The following PAX7 variants were observed in gnomAD, a reference collection of about 807,000 sequenced individuals.
PAX7 encodes the protein paired box 7, also known as paired box protein Pax-7.
In PAX7, 18 loss-of-function variants were observed where a neutral mutation model predicts 50.7. The observed-to-expected ratio is 0.36, with a 90% CI of 0.25 to 0.53. The LOEUF (loss-of-function observed/expected upper bound fraction) is 0.53, where lower values mean the gene tolerates loss of function less well. Ranked by LOEUF, PAX7 falls within the 20% of genes least tolerant of loss-of-function variation. The pLI is 0.93. For synonymous variants in PAX7, 310 were observed against 290.4 expected (o/e 1.07, Z -0.69); for missense variants, 644 against 702.9 (o/e 0.92, Z 0.95).
chr1:18,687,439 C>T (rs1306155939), intron 4 of PAX7, among the ~76,000 whole-genome samples: 2 of 152,168 alleles, frequency 1.3e-5, no homozygotes, highest in African/African-American at 2.4e-5. Flanking sequence ...TGTCCCTTCC[C>T]GCCAATCCCT....
intron 4 of PAX7, among the ~76,000 whole-genome samples, chr1:18,680,856 G>A (rs2088888743): frequency 6.6e-6 from 1 of 152,168 alleles, no homozygotes; most frequent in Non-Finnish European, 1.5e-5. Flanking sequence ...AAAGTCACAG[G>A]AAGAGTGTAA....
At chr1:18,644,813 C>A (rs1475404259) in intron 4 of PAX7, among the ~76,000 whole-genome samples, 1 of 152,152 alleles carries the variant, frequency 6.6e-6, no homozygotes, top group South Asian at 2.1e-4. Flanking sequence ...GATATAAGCA[C>A]GTGTACTATG....
intron 8 of PAX7, among the ~76,000 whole-genome samples, chr1:18,743,399 G>T (rs527352644): frequency 2.0e-5 from 3 of 152,194 alleles, no homozygotes; most frequent in Non-Finnish European, 4.4e-5. Context: ...CAGGCCGTGC[G>T]TATCACCTTT....
rs1390422493 is a variant in PAX7, at chr1:18,645,273, G to A, written c.586+8902G>A. On this transcript the variant is annotated intron_variant, in intron 4 of 8. Transcript: ENST00000420770. The stretch of plus-strand genomic sequence containing the variant: ...CTGGGCCTTGCTTCGCCACGGGTTC[G>A]AGGGAGAGGCGGAGGGAGGAGCGGC... Among the ~76,000 whole-genome samples the A allele has an allele frequency of 7.9e-5, 12 of 152,376 alleles. No individual in the cohort carries two copies. The East Asian group carries it at 1.9e-3, about 24-fold the overall frequency.
chr1:18,635,529 A>AAGGAAGGAAGGAAG (rs1553133206), intron 3 of PAX7, among the ~76,000 whole-genome samples: 44 of 49,068 alleles, frequency 9.0e-4, no homozygotes, highest in Non-Finnish European at 1.3e-3. Context: ...AAGGAAGGAA[A>AAGGAAGGAAGGAAG]GAAGGAAGGA....
intron 5 of PAX7, among the ~76,000 whole-genome samples, chr1:18,699,499 T>C (rs950805169): frequency 2.2e-4 from 33 of 151,686 alleles, no homozygotes; most frequent in African/African-American, 8.0e-4. Context: ...CTCATTCTCC[T>C]CTTTCTCTGA....
intron 7 of PAX7, among the ~76,000 whole-genome samples, chr1:18,721,216 G>A (rs1422640963): frequency 6.6e-6 from 1 of 152,282 alleles, no homozygotes. Flanking sequence ...GTGCAGCGGT[G>A]GTGGGTCCCA....
intron 4 of PAX7, among the ~76,000 whole-genome samples, chr1:18,654,316 G>A (rs1466975866): frequency 1.3e-5 from 2 of 152,220 alleles, no homozygotes; most frequent in Non-Finnish European, 2.9e-5. Flanking sequence ...GTGATTAGGG[G>A]AGAGTTAAAG....
Position 18,634,906 on chromosome 1 carries a change from C to T in PAX7, c.322-205C>T, listed in dbSNP as rs1165420277. On this transcript the variant is annotated intron_variant, in intron 2 of 8. Transcript: ENST00000420770. This position sits in a 1 kb window ranked among gnomAD's most constrained non-coding sequence, Gnocchi z 4.0. The stretch of plus-strand genomic sequence containing the variant: ...ATTGCCTATCCATGTCCCACCCCAC[C>T]CCACCTGGCCAGACCCCCAGCTGCC... Among the ~76,000 whole-genome samples the T allele has an allele frequency of 1.3e-5, 2 of 152,152 alleles. No individual in the cohort carries two copies. The highest frequency in any genetic ancestry group is 6.5e-5 in the Admixed American group (1 of 15,284).
intron 4 of PAX7, among the ~76,000 whole-genome samples, chr1:18,676,155 C>T (rs910252583): frequency 2.6e-5 from 4 of 152,212 alleles, no homozygotes; most frequent in Admixed American, 2.0e-4. Flanking sequence ...TAAAATTTCT[C>T]GTTTTCTGCC....
chr1:18,648,340 CT>C (rs531869233), intron 4 of PAX7, among the ~76,000 whole-genome samples: 40,168 of 119,478 alleles, frequency 0.34, 5,343 homozygotes, highest in Middle Eastern at 0.45. Flanking sequence ...TTATTTTTGT[CT>C]TTTTTTTTTT....
chr1:18,662,480 C>T (rs993938019), intron 4 of PAX7, among the ~76,000 whole-genome samples: 1 of 152,178 alleles, frequency 6.6e-6, no homozygotes, highest in African/African-American at 2.4e-5. Context: ...CCTGTAGATT[C>T]ACACTTCTAC....
At chr1:18,688,096 T>A (rs1449296605) in intron 4 of PAX7, among the ~76,000 whole-genome samples, 1 of 152,214 alleles carries the variant, frequency 6.6e-6, no homozygotes, top group East Asian at 1.9e-4. Flanking sequence ...AGTCATGATT[T>A]TGGTCACAAC....
At chr1:18,644,128 A>G (rs2088303116) in intron 4 of PAX7, among the ~76,000 whole-genome samples, 1 of 152,210 alleles carries the variant, frequency 6.6e-6, no homozygotes, top group African/African-American at 2.4e-5. Context: ...AGGGCGAGTA[A>G]TGGGGAGGCA....
chr1:18,732,398 G>A (rs2100398510), intron 7 of PAX7, among the ~76,000 whole-genome samples: 1 of 152,322 alleles, frequency 6.6e-6, no homozygotes, highest in Admixed American at 6.5e-5. Context: ...CTCAGAATAT[G>A]TAGCAAGTAC....
At chr1:18,638,616 G>A (rs2088199451) in intron 4 of PAX7, among the ~76,000 whole-genome samples, 1 of 152,204 alleles carries the variant, frequency 6.6e-6, no homozygotes, top group Non-Finnish European at 1.5e-5. Context: ...CTCTTAGTGT[G>A]ACTGTTTACC....
chr1:18,726,356 C>T lies in PAX7; in HGVS notation c.1156-9276C>T, dbSNP rs892136279. ...TATGTCCCCTCAATTTATTCTTTTCCTCCAACCAACTCTGTGCTAGATCCT... is the reference window on the plus strand; with the variant it reads ...TATGTCCCCTCAATTTATTCTTTTCTTCCAACCAACTCTGTGCTAGATCCT... On this transcript the variant is annotated intron_variant, in intron 7 of 8. Coordinates refer to ENST00000420770, the MANE Select transcript of PAX7 (RefSeq NM_001135254.2). This position sits in a 1 kb window ranked among gnomAD's most constrained non-coding sequence, Gnocchi z 4.8. Among the ~76,000 whole-genome samples, 2 of 152,198 alleles carry T rather than the reference C, an allele frequency of 1.3e-5. No individual in the cohort carries two copies. Among genetic ancestry groups the T allele is most frequent in the African/African-American group, 4.8e-5 (2 of 41,444 alleles).
chr1:18,662,088 GC>G (rs2100480341), intron 4 of PAX7, among the ~76,000 whole-genome samples: 1 of 147,294 alleles, frequency 6.8e-6, no homozygotes, highest in African/African-American at 2.5e-5. Context: ...CTGGGGTTGG[GC>G]AACAGGAGTT....
rs182089050 is a variant in PAX7 at position 18,675,876 on chromosome 1, G to T, written c.587-15878G>T. On this transcript the variant is annotated intron_variant, in intron 4 of 8. Transcript: ENST00000420770. ...GTCCCGGCAGCGGGGAGATGCAGCA[G>T]GCCCCAGGGTCGCTCCCCTGATCAG... Among the ~76,000 whole-genome samples the T allele has an allele frequency of 1.7e-3, 259 of 152,234 alleles. 1 individual carries two copies. Among genetic ancestry groups the T allele is most frequent in the Admixed American group, 4.4e-3 (68 of 15,296 alleles).
Sources: allele counts gnomAD v4.1 joint callset (sites outside exome capture counted in the v4.1 genomes callset), GRCh38; gene constraint gnomAD v4.1.1; non-coding constraint Gnocchi (gnomAD v3.1); transcripts MANE v1.5; gene names NCBI Gene and HGNC (gene_info 2026-07-23, HGNC 2026-07-21).